GJB3: variants seen among roughly 807,000 people sequenced by gnomAD.
GJB3 encodes the protein gap junction beta-3 protein.
A neutral mutation model predicts 8.1 loss-of-function variants in GJB3; 6 were observed. That is an observed-to-expected ratio of 0.75 (90% CI 0.41 to 1.47). The LOEUF (loss-of-function observed/expected upper bound fraction) is 1.47. Among genes scored for constraint, GJB3 ranks in the 40% most tolerant of loss-of-function variants. The pLI, the probability that GJB3 is intolerant of heterozygous loss-of-function variation, is 0.02. For synonymous variants in GJB3, 137 were observed against 156.4 expected (o/e 0.88, Z 0.93); for missense variants, 348 against 365.6 (o/e 0.95, Z 0.39).
rs535860973 is a variant in GJB3 at position 34,781,955 on chromosome 1, T to G, written c.-26+177T>G. 6.6e-6 allele frequency among the ~76,000 whole-genome samples: 1 copy of G among 152,278 alleles called. No individual in the cohort carries two copies. Among genetic ancestry groups the G allele is most frequent in the African/African-American group, 2.4e-5 (1 of 41,570 alleles). On this transcript the variant is annotated intron_variant, in intron 1 of 1. Coordinates refer to ENST00000373366, the MANE Select transcript of GJB3 (RefSeq NM_024009.3). The surrounding 1 kb of genome is among the most constrained non-coding windows in gnomAD (Gnocchi z 6.2). ...ACCTCTCAATCCTCCCTCTCGCCTCTCAATTCTGGGCCCATTAGGGGTCCC... is the reference window on the plus strand; with the variant it reads ...ACCTCTCAATCCTCCCTCTCGCCTCGCAATTCTGGGCCCATTAGGGGTCCC...
chr1:34,782,657 G>C (rs761860734), intron 1 of GJB3, among the ~76,000 whole-genome samples: 13 of 152,132 alleles, frequency 8.5e-5, no homozygotes, highest in Non-Finnish European at 1.6e-4. Flanking sequence ...AGAAGGAGCA[G>C]AGTAGGGGAG....
chr1:34,784,500 C>G (rs1307595071), intron 1 of GJB3, among the ~76,000 whole-genome samples: 1 of 152,210 alleles, frequency 6.6e-6, no homozygotes, highest in African/African-American at 2.4e-5. Flanking sequence ...TTGTTATTAT[C>G]AGCCAAAGCA....
intron 1 of GJB3, among the ~76,000 whole-genome samples, chr1:34,783,117 G>A (rs2148353311): frequency 6.6e-6 from 1 of 152,288 alleles, no homozygotes; most frequent in East Asian, 1.9e-4. Context: ...GCATAGTGGT[G>A]TGCACCTGTG....
chr1:34,784,849 C>T lies in GJB3; in HGVS notation c.87C>T (p.Phe29=), dbSNP rs201567729. 63 of 1,614,072 alleles carry T rather than the reference C, an allele frequency of 3.9e-5. No individual in the cohort carries two copies. The highest frequency in any genetic ancestry group is 3.1e-4 in the East Asian group (14 of 44,898). The change falls in exon 2 of 2, where the codon TTC becomes TTT. Residue 29 remains phenylalanine (F), a synonymous_variant. Transcript: ENST00000373366. ...GGCGCATCTGGCTGTCCGTGGTGTT[C>T]GTCTTCCGGGTGCTGGTATACGTGG... ...AFGRIWLSVV[F]VFRVLVYVVA...
At position 34,785,813 on chromosome 1, in the gene GJB3, C is replaced by T; in HGVS notation, c.*238C>T. Reference sequence around the variant, plus strand: ...ATAGACTTTGAAACAAGCGAATTAACTATCTACGCTGCCTGCAAGGGGCCA... The same window carrying T: ...ATAGACTTTGAAACAAGCGAATTAATTATCTACGCTGCCTGCAAGGGGCCA... On this transcript the variant is annotated 3_prime_UTR_variant, in exon 2 of 2. Coordinates refer to ENST00000373366, the MANE Select transcript of GJB3 (RefSeq NM_024009.3). This position sits in a 1 kb window ranked among gnomAD's most constrained non-coding sequence, Gnocchi z 4.7. 1 of 586,680 alleles carries T rather than the reference C, an allele frequency of 1.7e-6. No individual in the cohort carries two copies. 36.3% of individuals were successfully genotyped at this position (586,680 alleles called of 1,614,324 possible). A position where few individuals can be genotyped will look rare whatever the true frequency, so the allele number is the denominator to read the frequency against.
intron 1 of GJB3, among the ~76,000 whole-genome samples, chr1:34,782,639 G>A (rs9426014): frequency 1.3e-5 from 2 of 151,880 alleles, no homozygotes; most frequent in African/African-American, 2.4e-5. Flanking sequence ...CCCCCACCAC[G>A]AGGGCTTAGA....
At chr1:34,782,639 G>C (rs9426014) in intron 1 of GJB3, among the ~76,000 whole-genome samples, 44,706 of 151,930 alleles carry the variant, frequency 0.29, 8,298 homozygotes, top group African/African-American at 0.53. Context: ...CCCCCACCAC[G>C]AGGGCTTAGA....
At chr1:34,784,439 A>T (rs570741945) in intron 1 of GJB3, among the ~76,000 whole-genome samples, 2 of 152,366 alleles carry the variant, frequency 1.3e-5, no homozygotes, top group Non-Finnish European at 2.9e-5. Context: ...TTCTGCTCAT[A>T]AAGTGTTTAA....
Position 34,785,682 on chromosome 1 carries a change from C to G in GJB3, c.*107C>G, listed in dbSNP as rs2148354788. 1 of 866,612 alleles carries G rather than the reference C, an allele frequency of 1.2e-6. No individual in the cohort carries two copies. The highest frequency in any genetic ancestry group is 1.8e-6 in the Non-Finnish European group (1 of 541,834). The allele number at this position is 866,612 out of a possible 1,614,324, so 53.7% of individuals were successfully genotyped here. Reference sequence around the variant, plus strand: ...GCTGAGTGACCCCACTCTGAGTTCACTAAGTTATGCAACTTTCGTTTTGGC... The same window carrying G: ...GCTGAGTGACCCCACTCTGAGTTCAGTAAGTTATGCAACTTTCGTTTTGGC... On this transcript the variant is annotated 3_prime_UTR_variant, in exon 2 of 2. Coordinates refer to ENST00000373366, the MANE Select transcript of GJB3 (RefSeq NM_024009.3). The surrounding 1 kb of genome is among the most constrained non-coding windows in gnomAD (Gnocchi z 4.7).
In GJB3 at chr1:34,785,339, G is replaced by T. The variant is rs1304477832; in HGVS notation, c.577G>T (p.Gly193Cys). ...EKKIFTYFMVGASAVCIVLTI... is the reference protein window; with the variant it reads ...EKKIFTYFMVCASAVCIVLTI... Reference sequence around the variant, plus strand: ...GAAAATCTTCACCTACTTCATGGTGGGCGCCTCCGCCGTCTGCATCGTACT... The same window carrying T: ...GAAAATCTTCACCTACTTCATGGTGTGCGCCTCCGCCGTCTGCATCGTACT... Residue 193 changes from glycine to cysteine, a missense_variant, in exon 2 of 2, where the codon GGC (glycine) becomes TGC (cysteine). Physicochemically the swap from Gly to Cys is radical, Grantham distance 159. Coordinates refer to ENST00000373366, the MANE Select transcript of GJB3 (RefSeq NM_024009.3). This position sits in a 1 kb window ranked among gnomAD's most constrained non-coding sequence, Gnocchi z 4.7. The T allele has an allele frequency of 1.2e-6, 2 of 1,613,744 alleles. No homozygotes were observed. The highest frequency in any genetic ancestry group is 1.7e-5 in the Admixed American group (1 of 59,992).
intron 1 of GJB3, among the ~76,000 whole-genome samples, chr1:34,782,964 T>C (rs182362729): frequency 1.1e-4 from 17 of 152,094 alleles, no homozygotes; most frequent in Non-Finnish European, 1.9e-4. Context: ...GCACTAAATA[T>C]AAAGCAGTGA....
At chr1:34,782,714 G>T (rs1486962026) in intron 1 of GJB3, among the ~76,000 whole-genome samples, 1 of 152,048 alleles carries the variant, frequency 6.6e-6, no homozygotes, top group Admixed American at 6.6e-5. Context: ...ACCCCATCCT[G>T]CCCAGACTGT....
chr1:34,784,348 C>T (rs1640063227), intron 1 of GJB3, among the ~76,000 whole-genome samples: 1 of 152,184 alleles, frequency 6.6e-6, no homozygotes, highest in Non-Finnish European at 1.5e-5. Context: ...GCTTTGCAAT[C>T]GTTCAATGAT....
intron 1 of GJB3, among the ~76,000 whole-genome samples, chr1:34,783,550 T>A (rs769132433): frequency 2.0e-5 from 3 of 152,130 alleles, no homozygotes. Flanking sequence ...TTTAATGGAC[T>A]CTAGGGGCAC....
rs780224110 is a variant in GJB3, at chr1:34,785,367, C to T, written c.605C>T (p.Thr202Ile). The T allele has an allele frequency of 6.2e-7, 1 of 1,614,030 alleles. No homozygotes were observed. The highest frequency in any genetic ancestry group is 1.7e-5 in the Admixed American group (1 of 60,002). ...VGASAVCIVL[T>I]ICELCYLICH... ...GCCTCCGCCGTCTGCATCGTACTCACCATCTGTGAGCTCTGCTACCTCATC... is the reference window on the plus strand; with the variant it reads ...GCCTCCGCCGTCTGCATCGTACTCATCATCTGTGAGCTCTGCTACCTCATC... Residue 202 changes from threonine (T) to isoleucine (I), a missense_variant, in exon 2 of 2, where the codon ACC becomes ATC. Coordinates refer to ENST00000373366, the MANE Select transcript of GJB3 (RefSeq NM_024009.3). This position sits in a 1 kb window ranked among gnomAD's most constrained non-coding sequence, Gnocchi z 4.7.
At chr1:34,782,972 T>C (rs986448235) in intron 1 of GJB3, among the ~76,000 whole-genome samples, 3 of 152,020 alleles carry the variant, frequency 2.0e-5, no homozygotes, top group Non-Finnish European at 2.9e-5. Context: ...TATAAAGCAG[T>C]GAGCAAGACC....
chr1:34,784,253 CTT>C (rs1162853432), intron 1 of GJB3, among the ~76,000 whole-genome samples: 1 of 151,982 alleles, frequency 6.6e-6, no homozygotes, highest in Non-Finnish European at 1.5e-5. Flanking sequence ...GAATCCACCT[CTT>C]GTTTTAAGTG....
At chr1:34,784,145 T>C (rs1640059877) in intron 1 of GJB3, among the ~76,000 whole-genome samples, 1 of 152,088 alleles carries the variant, frequency 6.6e-6, no homozygotes. Flanking sequence ...ATCCACAAAG[T>C]AAACGTTTCA....
At chr1:34,784,714 T>C (rs910669757) in intron 1 of GJB3, 24 bp from the exon 2 acceptor site, 4 of 1,458,226 alleles carry the variant, frequency 2.7e-6, no homozygotes, top group Non-Finnish European at 3.8e-6. Context: ...ATTCATACGA[T>C]GGTTTTTCCT....
Sources: allele counts gnomAD v4.1 joint callset (sites outside exome capture counted in the v4.1 genomes callset), GRCh38; gene constraint gnomAD v4.1.1; non-coding constraint Gnocchi (gnomAD v3.1); transcripts MANE v1.5; gene names NCBI Gene and HGNC (gene_info 2026-07-23, HGNC 2026-07-21).